Variants in EBF1 observed in about 807,000 individuals in gnomAD.
EBF1 encodes EBF transcription factor 1, also known as transcription factor COE1.
A neutral mutation model predicts 68.4 loss-of-function variants in EBF1; 10 were observed. That is an observed-to-expected ratio of 0.15 (90% CI 0.09 to 0.25). The LOEUF is 0.25. Among genes scored for constraint, EBF1 ranks in the 10% least tolerant of loss-of-function variants. The pLI, the probability that EBF1 is intolerant of heterozygous loss-of-function variation, is 1.00. For synonymous variants in EBF1, 298 were observed against 299.8 expected (o/e 0.99, Z 0.06); for missense variants, 509 against 794.4 (o/e 0.64, Z 4.32).
rs562188282 is a variant in EBF1 at position 159,043,633 on chromosome 5, TAAAC to T, written c.554+29759_554+29762del. ...TTAGATTCAAATTATGTCTTTTATT[TAAAC>T]ATCTCAAAGCAAGATAAAAATAAAC... is the stretch of plus-strand genomic sequence containing the variant. On this transcript the variant is annotated intron_variant, in intron 6 of 15. Coordinates refer to ENST00000313708, the MANE Select transcript of EBF1 (RefSeq NM_024007.5). Among the ~76,000 whole-genome samples, 588 of 152,296 alleles carry T rather than the reference TAAAC, an allele frequency of 3.9e-3. 2 individuals are homozygous for T. Among genetic ancestry groups the T allele is most frequent in the Non-Finnish European group, 6.4e-3 (433 of 68,022 alleles).
intron 6 of EBF1, among the ~76,000 whole-genome samples, chr5:159,024,128 G>A (rs955569070): frequency 9.2e-5 from 14 of 152,108 alleles, no homozygotes; most frequent in African/African-American, 3.4e-4. Context: ...CACCCCAGAT[G>A]CTGAGATCCT....
At chr5:159,025,068 C>A (rs1767438012) in intron 6 of EBF1, among the ~76,000 whole-genome samples, 1 of 152,196 alleles carries the variant, frequency 6.6e-6, no homozygotes, top group Non-Finnish European at 1.5e-5. Context: ...GAATAATCTG[C>A]AAAATCCTTT....
intron 6 of EBF1, among the ~76,000 whole-genome samples, chr5:159,040,907 C>A (rs767745046): frequency 3.3e-5 from 5 of 152,164 alleles, no homozygotes; most frequent in Admixed American, 6.5e-5. Flanking sequence ...GGAGAATAGA[C>A]CACTCTCTAC....
In EBF1 at chr5:158,988,189, T is replaced by C. The variant is rs548194473; in HGVS notation, c.554+85207A>G. Among the ~76,000 whole-genome samples the C allele has an allele frequency of 3.9e-5, 6 of 152,330 alleles. No individual in the cohort carries two copies. The East Asian group carries it at 7.7e-4, about 20-fold the overall frequency. ...ATGAGCCAGCCATCCGCAGTGGACC[T>C]GGCCCATTCTGGTGGAAGTCTGTTA... is the stretch of plus-strand genomic sequence containing the variant. On this transcript the variant is annotated intron_variant, in intron 6 of 15. Transcript: ENST00000313708.
At chr5:158,821,148 T>A (rs1784740729) in intron 8 of EBF1, among the ~76,000 whole-genome samples, 1 of 151,840 alleles carries the variant, frequency 6.6e-6, no homozygotes, top group Non-Finnish European at 1.5e-5. Context: ...AAGCACAGAT[T>A]TTTTTTTAAA....
At chr5:158,830,245 G>A (rs1048587295) in intron 7 of EBF1, among the ~76,000 whole-genome samples, 1 of 152,070 alleles carries the variant, frequency 6.6e-6, no homozygotes, top group Non-Finnish European at 1.5e-5. Context: ...TAGACTCACA[G>A]TGCAGTTCTC....
At chr5:158,981,965 C>CTAT (rs1757988364) in intron 6 of EBF1, among the ~76,000 whole-genome samples, 2 of 152,176 alleles carry the variant, frequency 1.3e-5, no homozygotes, top group African/African-American at 4.8e-5. Context: ...CATGATCTAG[C>CTAT]TAGATAAGCC....
At chr5:158,699,811 C>T (rs1328356509) in intron 15 of EBF1, among the ~76,000 whole-genome samples, 1 of 152,182 alleles carries the variant, frequency 6.6e-6, no homozygotes, top group Non-Finnish European at 1.5e-5. Context: ...AATGATCTGA[C>T]CATATTTCCT....
chr5:158,775,771 C>CACACAT lies in EBF1; in HGVS notation c.1036+1641_1036+1642insATGTGT, dbSNP rs1222938638. 7.6e-5 allele frequency among the ~76,000 whole-genome samples: 10 copies of CACACAT among 130,738 alleles called. No homozygotes were observed. In the South Asian group the frequency reaches 2.1e-3, roughly 28 times the overall value. 85.8% of individuals were successfully genotyped at this position (130,738 alleles called of 152,430 possible). A position where few individuals can be genotyped will look rare whatever the true frequency, so the allele number is the denominator to read the frequency against. On this transcript the variant is annotated intron_variant, in intron 10 of 15. Transcript: ENST00000313708. ...ACACACACACACACACACACACACA[C>CACACAT]ACATGCACACAGACACACACACACA...
At chr5:158,848,516 A>G (rs1272285550) in intron 6 of EBF1, among the ~76,000 whole-genome samples, 1 of 152,232 alleles carries the variant, frequency 6.6e-6, no homozygotes, top group East Asian at 1.9e-4. Context: ...CCAGTGGGTG[A>G]TCTGGTAACA....
intron 11 of EBF1, 103 bp downstream of exon 11, chr5:158,730,966 A>T: frequency 1.9e-6 from 2 of 1,063,974 alleles, no homozygotes; most frequent in Non-Finnish European, 2.8e-6. Flanking sequence ...AAACACAAAA[A>T]TATGAGTTGT....
chr5:159,096,911 G>A lies in EBF1; in HGVS notation c.291+63C>T, dbSNP rs557417372. The A allele has an allele frequency of 2.2e-4, 346 of 1,581,028 alleles. 9 individuals carry two copies. The South Asian group carries it at 3.8e-3, about 17-fold the overall frequency. ...ACTCAAGGAAGGGCGCGCTGCCCAA[G>A]GCTCCCGGGCCTGCTCCCGAGCCGA... On this transcript the variant is annotated intron_variant, in intron 2 of 15. Coordinates refer to ENST00000313708, the MANE Select transcript of EBF1 (RefSeq NM_024007.5).
chr5:158,925,787 T>G (rs541888440), intron 6 of EBF1, among the ~76,000 whole-genome samples: 5 of 152,326 alleles, frequency 3.3e-5, no homozygotes, highest in Admixed American at 3.3e-4. Flanking sequence ...GTGTGGTGGG[T>G]GGAGATGAGT....
chr5:159,069,144 A>G (rs992688720), intron 6 of EBF1, among the ~76,000 whole-genome samples: 3 of 152,200 alleles, frequency 2.0e-5, no homozygotes, highest in Admixed American at 6.5e-5. Flanking sequence ...TTAAAAAACT[A>G]GGTCTAAATT....
intron 6 of EBF1, among the ~76,000 whole-genome samples, chr5:159,063,610 C>T (rs1287552259): frequency 6.6e-6 from 1 of 152,150 alleles, no homozygotes; most frequent in Non-Finnish European, 1.5e-5. Flanking sequence ...TACCCCCAAC[C>T]CTGAAAACAG....
intron 6 of EBF1, among the ~76,000 whole-genome samples, chr5:159,063,600 T>C (rs555066674): frequency 2.5e-4 from 38 of 152,330 alleles, no homozygotes; most frequent in Admixed American, 5.2e-4. Flanking sequence ...TTCACTGTTA[T>C]ACCCCCAACC....
intron 10 of EBF1, among the ~76,000 whole-genome samples, chr5:158,766,998 T>G (rs1244445440): frequency 6.6e-6 from 1 of 152,184 alleles, no homozygotes; most frequent in Non-Finnish European, 1.5e-5. Flanking sequence ...CAAGAATACA[T>G]ATACAGCTCA....
intron 7 of EBF1, among the ~76,000 whole-genome samples, chr5:158,825,195 A>G: frequency 6.6e-6 from 1 of 152,254 alleles, no homozygotes; most frequent in East Asian, 1.9e-4. Flanking sequence ...AAAAGAAAGA[A>G]GAAGAGAAGA....
intron 10 of EBF1, among the ~76,000 whole-genome samples, chr5:158,755,174 G>GT (rs1554121282): frequency 5.8e-4 from 84 of 145,648 alleles, no homozygotes; most frequent in East Asian, 3.0e-3. Context: ...TTATTGTTTT[G>GT]TTTTTTTTTC....
Sources: allele counts gnomAD v4.1 joint callset (sites outside exome capture counted in the v4.1 genomes callset), GRCh38; gene constraint gnomAD v4.1.1; transcripts MANE v1.5; gene names NCBI Gene and HGNC (gene_info 2026-07-23, HGNC 2026-07-21).